DHX29: variants seen among roughly 807,000 people sequenced by gnomAD.
DHX29 encodes DExH-box helicase 29, also known as ATP-dependent RNA helicase DHX29.
A neutral mutation model predicts 167.9 loss-of-function variants in DHX29; 79 were observed. The observed-to-expected ratio is 0.47, with a 90% confidence interval of 0.39 to 0.57. DHX29 has a LOEUF of 0.57. Among genes scored for constraint, DHX29 ranks in the 20% least tolerant of loss-of-function variants. DHX29 has a pLI of 0.00. For synonymous variants in DHX29, 530 were observed against 546.0 expected, an observed-to-expected ratio of 0.97 and a Z score of 0.41; for missense variants, 1,347 against 1,593.4, an observed-to-expected ratio of 0.85 and a Z score of 2.63.
chr5:55,296,872 A>G (rs1210670496), intron 3 of DHX29, among the ~76,000 whole-genome samples: 1 of 152,234 alleles, frequency 6.6e-6, no homozygotes, highest in African/African-American at 2.4e-5. Context: ...CATTATGGTT[A>G]GGCAGAGCTG....
chr5:55,259,924 G>C lies in DHX29; in HGVS notation c.3981C>G (p.Val1327=). The C allele has an allele frequency of 1.2e-6, 2 of 1,611,390 alleles. No homozygotes were observed. Among genetic ancestry groups the C allele is most frequent in the Non-Finnish European group, 1.7e-6 (2 of 1,177,704 alleles). ...IYFQAPVKIA[V]IFKQLRVLID... ...TGAGAACTCTCAGCTGCTTGAAAAT[G>C]ACAGCTATCTTTACAGGGGCCTGTT... Residue 1327 remains valine, a synonymous_variant, in exon 26 of 27, where the codon GTC becomes GTG. Coordinates refer to ENST00000251636, the MANE Select transcript of DHX29 (RefSeq NM_019030.4).
intron 23 of DHX29, among the ~76,000 whole-genome samples, chr5:55,266,107 C>G (rs1331486972): frequency 1.3e-5 from 2 of 151,756 alleles, no homozygotes; most frequent in Non-Finnish European, 2.9e-5. Flanking sequence ...GCAAGCAATT[C>G]TCTGCCTCAG....
In DHX29 at chr5:55,307,566, C is replaced by T. The variant is rs937304538; in HGVS notation, c.8G>A (p.Gly3Asp). The T allele has an allele frequency of 4.3e-6, 7 of 1,613,584 alleles. No homozygotes were observed. The highest frequency in any genetic ancestry group is 5.1e-6 in the Non-Finnish European group (6 of 1,179,950). MG[G>D]KNKKHKAPAA... ...TGGAGCCTTGTGTTTCTTGTTCTTGCCGCCCATGTTGCAGCTGTGGCAGAA... is the reference window on the plus strand; with the variant it reads ...TGGAGCCTTGTGTTTCTTGTTCTTGTCGCCCATGTTGCAGCTGTGGCAGAA... The change falls in exon 1 of 27, where the codon GGC becomes GAC. Residue 3 changes from glycine (G) to aspartate (D), a missense_variant. Gly to Asp is a moderately conservative substitution (Grantham distance 94, BLOSUM62 -1). Transcript: ENST00000251636.
rs768091662 is a variant in DHX29, at chr5:55,307,431, G to A, written c.143C>T (p.Ala48Val). 1 of 1,612,912 alleles carries A rather than the reference G, an allele frequency of 6.2e-7. No individual in the cohort carries two copies. Among genetic ancestry groups the A allele is most frequent in the Middle Eastern group, 1.7e-4 (1 of 6,058 alleles). Residue 48 changes from alanine to valine, a missense_variant, in exon 1 of 27, where the codon GCT becomes GTT. Ala to Val is a moderately conservative substitution (Grantham distance 64, BLOSUM62 0). Around this residue, in one of 3 missense-constraint regions of DHX29, gnomAD observed 405 missense variants for 416.8 expected, o/e 0.97. Coordinates refer to ENST00000251636, the MANE Select transcript of DHX29 (RefSeq NM_019030.4). ...CCTGGAGCCGGCAGCGGCAGCGGCA[G>A]CGGTGGCCGGCCTGGACACTGGCTT... ...SKKPVSRPAT[A>V]AAAAAGSREP...
At chr5:55,278,494 A>C (rs1218735259) in intron 12 of DHX29, among the ~76,000 whole-genome samples, 2 of 151,490 alleles carry the variant, frequency 1.3e-5, no homozygotes, top group African/African-American at 2.5e-5. Flanking sequence ...GATAATGCAA[A>C]GCCCTTAGAA....
At position 55,269,631 on chromosome 5, in the gene DHX29, T is replaced by C; in HGVS notation, c.3076A>G (p.Asn1026Asp). Residue 1026 changes from asparagine to aspartate, a missense_variant, in exon 21 of 27, where the codon AAT (asparagine) becomes GAT (aspartate). This residue lies in a region of DHX29 where 882 missense variants were observed against 1,082.4 expected (regional missense o/e 0.81). Coordinates refer to ENST00000251636, the MANE Select transcript of DHX29 (RefSeq NM_019030.4). ...AGGAAATCTTCAGGAGAACCAAGAT[T>C]ACATTTCTGCAGATTAAAAAAGCAA... ...EELCLHIMKC[N>D]LGSPEDFLSK... 1 of 1,612,676 alleles carries C rather than the reference T, an allele frequency of 6.2e-7. No homozygotes were observed. Among genetic ancestry groups the C allele is most frequent in the Non-Finnish European group, 8.5e-7 (1 of 1,178,814 alleles).
chr5:55,290,282 A>G lies in DHX29; in HGVS notation c.843T>C (p.Phe281=), dbSNP rs1049585438. The G allele has an allele frequency of 1.2e-6, 2 of 1,612,298 alleles. No homozygotes were observed. Among genetic ancestry groups the G allele is most frequent in the Middle Eastern group, 1.9e-4 (1 of 5,390 alleles). Residue 281 remains phenylalanine (F), a synonymous_variant, in exon 7 of 27, where the codon TTT becomes TTC. Coordinates refer to ENST00000251636, the MANE Select transcript of DHX29 (RefSeq NM_019030.4). ...GGCCTTGCTTGTTTTTTTCTAGTTT[A>G]AAGGTAGCTGCTTGTTCTTTTGCAT... is the stretch of plus-strand genomic sequence containing the variant. ...LLDAKEQAAT[F]KLEKNKQGQK...
chr5:55,295,430 T>A lies in DHX29; in HGVS notation c.600A>T (p.Ser200=). 1 of 1,613,668 alleles carries A rather than the reference T, an allele frequency of 6.2e-7. No individual in the cohort carries two copies. Among genetic ancestry groups the A allele is most frequent in the Non-Finnish European group, 8.5e-7 (1 of 1,179,630 alleles). The change falls in exon 5 of 27, where the codon TCA becomes TCT. Residue 200 remains serine (S), a synonymous_variant. Transcript: ENST00000251636. ...FQSPQIQATI[S]PPLQPKTKTY... ...TTTTTGTTTTAGGTTGCAATGGAGG[T>A]GAAATAGTGGCTTGTATTTGAGGAG...
At chr5:55,257,022 A>G (rs767000435) in intron 26 of DHX29, among the ~76,000 whole-genome samples, 1 of 152,220 alleles carries the variant, frequency 6.6e-6, no homozygotes, top group South Asian at 2.1e-4. Context: ...TCCAAAGGAA[A>G]CAAAAAATTC....
intron 18 of DHX29, among the ~76,000 whole-genome samples, chr5:55,270,924 T>C (rs748178058): frequency 6.6e-6 from 1 of 152,240 alleles, no homozygotes; most frequent in Non-Finnish European, 1.5e-5. Context: ...AAAAAAATTA[T>C]TTAACTTATC....
intron 1 of DHX29, among the ~76,000 whole-genome samples, chr5:55,303,038 C>A (rs1342126605): frequency 2.0e-5 from 3 of 151,832 alleles, no homozygotes; most frequent in Admixed American, 2.0e-4. Context: ...ATATAGCTGG[C>A]TCTCAAAAAT....
Position 55,283,490 on chromosome 5 carries a change from G to C in DHX29, c.1678C>G (p.Pro560Ala), listed in dbSNP as rs1396122995. 6.2e-7 allele frequency: 1 copy of C among 1,614,146 alleles called. No homozygotes were observed. Among genetic ancestry groups the C allele is most frequent in the South Asian group, 1.1e-5 (1 of 91,086 alleles). The stretch of plus-strand genomic sequence containing the variant: ...TCCTTTAGAAGTTTCTGATACTTAG[G>C]TGTGCTTTGCAACTTTCTAAAGAGG... ...RNLFRKLQST[P>A]KYQKLLKERQ... Residue 560 changes from proline to alanine, a missense_variant, in exon 11 of 27, where the codon CCT (proline) becomes GCT (alanine). This residue lies in a region of DHX29 where 882 missense variants were observed against 1,082.4 expected (regional missense o/e 0.81). Coordinates refer to ENST00000251636, the MANE Select transcript of DHX29 (RefSeq NM_019030.4).
At position 55,285,898 on chromosome 5, in the gene DHX29, G is replaced by A. The variant is rs373227243; in HGVS notation, c.1067-37C>T. The stretch of plus-strand genomic sequence containing the variant: ...AACAAAGATTGGTTCTTTAAAAATG[G>A]TCAAGCATTCTCTTTTCAGTGATCA... On this transcript the variant is annotated intron_variant, in intron 8 of 26. Coordinates refer to ENST00000251636, the MANE Select transcript of DHX29 (RefSeq NM_019030.4). 7 of 1,471,518 alleles carry A rather than the reference G, an allele frequency of 4.8e-6. No individual in the cohort carries two copies. The African/African-American group carries it at 8.5e-5, about 18-fold the overall frequency. 91.2% of individuals were successfully genotyped at this position (1,471,518 alleles called of 1,614,324 possible). A position where few individuals can be genotyped will look rare whatever the true frequency, so the allele number is the denominator to read the frequency against.
chr5:55,266,903 G>A (rs1746605266), intron 23 of DHX29, among the ~76,000 whole-genome samples: 1 of 152,118 alleles, frequency 6.6e-6, no homozygotes, highest in African/African-American at 2.4e-5. Context: ...GAATGAGCCA[G>A]TCTTTTTAAT....
chr5:55,259,104 C>T (rs964002143), intron 26 of DHX29, among the ~76,000 whole-genome samples: 3 of 152,136 alleles, frequency 2.0e-5, no homozygotes, highest in Non-Finnish European at 4.4e-5. Flanking sequence ...CCTCAGCCTT[C>T]TGGGTAGCTA....
At chr5:55,304,130 A>C (rs939429213) in intron 1 of DHX29, among the ~76,000 whole-genome samples, 1 of 152,130 alleles carries the variant, frequency 6.6e-6, no homozygotes, top group African/African-American at 2.4e-5. Flanking sequence ...GAAAGAAGAA[A>C]GAAAAGAAAA....
chr5:55,279,231 G>A (rs868806556), intron 12 of DHX29, among the ~76,000 whole-genome samples: 14 of 152,178 alleles, frequency 9.2e-5, no homozygotes, highest in Non-Finnish European at 1.5e-4. Flanking sequence ...GGGGATGTGG[G>A]AGAAAGAAGG....
chr5:55,273,170 G>T, intron 17 of DHX29, 123 bp downstream of exon 17: 1 of 964,916 alleles, frequency 1.0e-6, no homozygotes, highest in East Asian at 2.8e-5. Context: ...CAGAACACTT[G>T]GAGTTGGCAA....
intron 8 of DHX29, among the ~76,000 whole-genome samples, chr5:55,287,480 G>A (rs919908690): frequency 6.6e-6 from 1 of 152,088 alleles, no homozygotes; most frequent in Admixed American, 6.5e-5. Context: ...ACTACTGAAA[G>A]AATGAATAAT....
Sources: allele counts gnomAD v4.1 joint callset (sites outside exome capture counted in the v4.1 genomes callset), GRCh38; gene constraint gnomAD v4.1.1; regional missense constraint gnomAD v4.1.1; transcripts MANE v1.5; gene names NCBI Gene and HGNC (gene_info 2026-07-23, HGNC 2026-07-21).